Variants in GLCCI1 observed in about 807,000 individuals in gnomAD.
GLCCI1 encodes glucocorticoid induced 1.
In GLCCI1, 24 loss-of-function variants were observed where a neutral mutation model predicts 52.2. The ratio of observed to expected loss-of-function variants is 0.46; its 90% CI spans 0.33 to 0.65. The LOEUF (loss-of-function observed/expected upper bound fraction) is 0.65. GLCCI1 is among the 30% of genes least tolerant of loss of function. The pLI is 0.02. For synonymous variants in GLCCI1, 310 were observed against 276.5 expected, an observed-to-expected ratio of 1.12 and a Z score of -1.20; for missense variants, 704 against 701.5, an observed-to-expected ratio of 1.00 and a Z score of -0.04.
chr7:8,001,482 CAAG>C (rs1393516158), intron 1 of GLCCI1, among the ~76,000 whole-genome samples: 1 of 152,102 alleles, frequency 6.6e-6, no homozygotes, highest in Non-Finnish European at 1.5e-5. Context: ...TGTGGAGAAA[CAAG>C]AATGCTTTTA....
chr7:8,051,827 T>G (rs928792954), intron 3 of GLCCI1, among the ~76,000 whole-genome samples: 9 of 152,248 alleles, frequency 5.9e-5, no homozygotes, highest in African/African-American at 4.8e-5. Flanking sequence ...TTTTTCTTAC[T>G]GCTTTGTAGG....
chr7:7,991,909 G>A (rs1780844979), intron 1 of GLCCI1, among the ~76,000 whole-genome samples: 1 of 152,044 alleles, frequency 6.6e-6, no homozygotes, highest in African/African-American at 2.4e-5. Context: ...GTTTTAGTGT[G>A]AATCCTCCAA....
chr7:8,016,832 C>A (rs1781390655), intron 2 of GLCCI1, among the ~76,000 whole-genome samples: 1 of 152,154 alleles, frequency 6.6e-6, no homozygotes, highest in Admixed American at 6.5e-5. Context: ...TAGTATTTTA[C>A]TGTTACCGGG....
chr7:7,980,916 C>G, intron 1 of GLCCI1: 1 of 606,986 alleles, frequency 1.6e-6, no homozygotes, highest in East Asian at 3.0e-5. Flanking sequence ...ATTTATTAAT[C>G]CCTGATCAAT....
intron 1 of GLCCI1, among the ~76,000 whole-genome samples, chr7:7,990,540 C>A (rs1780818953): frequency 1.3e-5 from 2 of 152,072 alleles, no homozygotes; most frequent in Admixed American, 1.3e-4. Context: ...GCAAAACTTC[C>A]TGGCAATCTT....
At chr7:8,063,620 T>C (rs1782564894) in intron 5 of GLCCI1, among the ~76,000 whole-genome samples, 1 of 147,110 alleles carries the variant, frequency 6.8e-6, no homozygotes, top group Non-Finnish European at 1.5e-5. Flanking sequence ...TCTTCCTTTT[T>C]TTTTTTTTTT....
intron 6 of GLCCI1, among the ~76,000 whole-genome samples, chr7:8,080,582 ATAT>A (rs1782974076): frequency 6.6e-6 from 1 of 151,436 alleles, no homozygotes; most frequent in African/African-American, 2.5e-5. Context: ...GGTACTCCAG[ATAT>A]TATTCTGCTT....
intron 6 of GLCCI1, among the ~76,000 whole-genome samples, chr7:8,072,064 C>T (rs1253563668): frequency 6.6e-6 from 1 of 152,144 alleles, no homozygotes; most frequent in Admixed American, 6.5e-5. Flanking sequence ...GAAACCACTA[C>T]CTACATCAAG....
At chr7:7,972,110 G>A (rs1327993423) in intron 1 of GLCCI1, among the ~76,000 whole-genome samples, 1 of 152,142 alleles carries the variant, frequency 6.6e-6, no homozygotes, top group African/African-American at 2.4e-5. Flanking sequence ...CTGAACAGTT[G>A]ATTTAATTTT....
At chr7:7,994,065 C>T (rs1021676909) in intron 1 of GLCCI1, among the ~76,000 whole-genome samples, 2 of 152,128 alleles carry the variant, frequency 1.3e-5, no homozygotes, top group African/African-American at 4.8e-5. Flanking sequence ...ACCAGCATGG[C>T]CAACATAGTG....
At chr7:8,012,589 C>T (rs970994545) in intron 2 of GLCCI1, among the ~76,000 whole-genome samples, 1 of 151,222 alleles carries the variant, frequency 6.6e-6, no homozygotes, top group African/African-American at 2.4e-5. Flanking sequence ...GGACTACAGG[C>T]GCCTGCCACC....
At chr7:8,072,194 T>C (rs1782777731) in intron 6 of GLCCI1, among the ~76,000 whole-genome samples, 1 of 152,234 alleles carries the variant, frequency 6.6e-6, no homozygotes, top group African/African-American at 2.4e-5. Context: ...TATAATTTAA[T>C]TTCCCCTGTT....
chr7:8,017,605 A>G (rs774056923), intron 2 of GLCCI1, among the ~76,000 whole-genome samples: 1 of 152,208 alleles, frequency 6.6e-6, no homozygotes, highest in African/African-American at 2.4e-5. Context: ...GTCTAACATA[A>G]TGAGCACAAA....
intron 1 of GLCCI1, among the ~76,000 whole-genome samples, chr7:7,970,938 T>TC (rs1394486616): frequency 6.6e-6 from 1 of 151,634 alleles, no homozygotes; most frequent in Non-Finnish European, 1.5e-5. Flanking sequence ...GTGGAATTTT[T>TC]TTTTTTAATG....
intron 2 of GLCCI1, among the ~76,000 whole-genome samples, chr7:8,016,094 A>G (rs1282634955): frequency 6.6e-6 from 1 of 152,194 alleles, no homozygotes; most frequent in Non-Finnish European, 1.5e-5. Flanking sequence ...TCTTGTATCA[A>G]TTTTCTATGA....
At chr7:8,041,560 T>C (rs1374247758) in intron 3 of GLCCI1, among the ~76,000 whole-genome samples, 1 of 152,190 alleles carries the variant, frequency 6.6e-6, no homozygotes, top group Non-Finnish European at 1.5e-5. Flanking sequence ...GCTTCAAAGC[T>C]TTAAAGGACA....
Position 8,086,440 on chromosome 7 carries a change from A to T in GLCCI1, c.1546A>T (p.Met516Leu). Residue 516 changes from methionine to leucine, a missense_variant, in exon 8 of 8, where the codon ATG (methionine) becomes TTG (leucine). Physicochemically the swap from Met to Leu is conservative, Grantham distance 15. Around this residue, in one of 3 missense-constraint regions of GLCCI1, gnomAD observed 149 missense variants for 152.9 expected, o/e 0.97. Transcript: ENST00000223145. This position sits in a 1 kb window ranked among gnomAD's most constrained non-coding sequence, Gnocchi z 4.4. Reference protein sequence around the residue: ...LSDDTSTAGSMEASVQQPSQQ... With the variant: ...LSDDTSTAGSLEASVQQPSQQ... ...TGATGACACCAGCACAGCGGGCTCC[A>T]TGGAGGCCTCTGTCCAGCAGCCATC... 6.2e-7 allele frequency: 1 copy of T among 1,614,124 alleles called. No homozygotes were observed. The highest frequency in any genetic ancestry group is 8.5e-7 in the Non-Finnish European group (1 of 1,180,028).
Position 8,014,656 on chromosome 7 carries a change from T to G in GLCCI1, c.610-7827T>G, listed in dbSNP as rs191697941. Among the ~76,000 whole-genome samples, 515 of 152,348 alleles carry G rather than the reference T, an allele frequency of 3.4e-3. 5 individuals carry two copies. The highest frequency in any genetic ancestry group is 0.017 in the Middle Eastern group (5 of 294). The stretch of plus-strand genomic sequence containing the variant: ...TCATCTGAATTCTGTCACTTGGGTC[T>G]GAAAGGATTTTACCTAAGTAACTTA... On this transcript the variant is annotated intron_variant, in intron 2 of 7. Coordinates refer to ENST00000223145, the MANE Select transcript of GLCCI1 (RefSeq NM_138426.4).
intron 2 of GLCCI1, 95 bp from the exon 3 acceptor site, chr7:8,022,387 TG>T: frequency 1.8e-6 from 1 of 562,338 alleles, no homozygotes; most frequent in Non-Finnish European, 2.7e-6. Flanking sequence ...GCTCTCTAAC[TG>T]GTAAGTGCTA....
Sources: allele counts gnomAD v4.1 joint callset (sites outside exome capture counted in the v4.1 genomes callset), GRCh38; gene constraint gnomAD v4.1.1; regional missense constraint gnomAD v4.1.1; non-coding constraint Gnocchi (gnomAD v3.1); transcripts MANE v1.5; gene names NCBI Gene and HGNC (gene_info 2026-07-23, HGNC 2026-07-21).